TTYH2: variants seen among roughly 807,000 people sequenced by gnomAD.
TTYH2 encodes tweety family member 2.
In TTYH2, 49 loss-of-function variants were observed where a neutral mutation model predicts 68.3. The ratio of observed to expected loss-of-function variants is 0.72; its 90% CI spans 0.57 to 0.91. TTYH2 has a LOEUF of 0.91. Among genes scored for constraint, TTYH2 ranks in the 40% least tolerant of loss-of-function variants. TTYH2 has a pLI of 0.00. For missense variants in TTYH2, 631 were observed against 700.4 expected (o/e 0.90, Z 1.12); for synonymous variants, 272 against 300.8 (o/e 0.90, Z 0.99).
At chr17:74,244,422 C>T (rs1256744416) in intron 6 of TTYH2, among the ~76,000 whole-genome samples, 1 of 152,164 alleles carries the variant, frequency 6.6e-6, no homozygotes, top group Admixed American at 6.5e-5. Flanking sequence ...GGTAGGGGTC[C>T]AAGCCTCAGA....
chr17:74,238,211 A>G (rs1360722829), intron 4 of TTYH2, among the ~76,000 whole-genome samples: 1 of 152,182 alleles, frequency 6.6e-6, no homozygotes, highest in African/African-American at 2.4e-5. Flanking sequence ...TTCATGGGAC[A>G]GGATTTCTTG....
In TTYH2 at chr17:74,215,478, C is replaced by T. The variant is rs2050213607; in HGVS notation, c.129+1762C>T. On this transcript the variant is annotated intron_variant, in intron 1 of 13. Coordinates refer to ENST00000269346, the MANE Select transcript of TTYH2 (RefSeq NM_032646.6). This position sits in a 1 kb window ranked among gnomAD's most constrained non-coding sequence, Gnocchi z 4.3. The stretch of plus-strand genomic sequence containing the variant: ...CAGATGAACCTACCTCCAGCCTCTG[C>T]CCCTCCTCCCAGGATTCTGGCCCCG... The T allele has an allele frequency of 2.9e-6, 2 of 687,426 alleles. No individual in the cohort carries two copies. Among genetic ancestry groups the T allele is most frequent in the Non-Finnish European group, 4.8e-6 (2 of 413,712 alleles). 42.6% of individuals were successfully genotyped at this position (687,426 alleles called of 1,614,324 possible). A position where few individuals can be genotyped will look rare whatever the true frequency, so the allele number is the denominator to read the frequency against.
chr17:74,236,935 C>T (rs962198331), intron 3 of TTYH2, among the ~76,000 whole-genome samples: 3 of 148,316 alleles, frequency 2.0e-5, no homozygotes, highest in East Asian at 2.0e-4. Flanking sequence ...TCACTCTTGT[C>T]GCCCAGGCTG....
At chr17:74,260,000 G>A (rs909469290) in intron 13 of TTYH2, 129 bp from the exon 14 acceptor site, 3 of 767,084 alleles carry the variant, frequency 3.9e-6, no homozygotes, top group Non-Finnish European at 6.9e-6. Flanking sequence ...GATGGATGTG[G>A]GGTGGAGGCA....
Position 74,237,285 on chromosome 17 carries a change from C to G in TTYH2, c.415-9C>G, listed in dbSNP as rs2143748941. 1 of 1,613,532 alleles carries G rather than the reference C, an allele frequency of 6.2e-7. No homozygotes were observed. The highest frequency in any genetic ancestry group is 8.5e-7 in the Non-Finnish European group (1 of 1,179,626). Reference sequence around the variant, plus strand: ...ACCTCCATGGCTTTTGCCCCCTGCTCCTCCCTAGGTTTCCGGAACTACCCA... The same window carrying G: ...ACCTCCATGGCTTTTGCCCCCTGCTGCTCCCTAGGTTTCCGGAACTACCCA... On this transcript the variant is annotated splice_polypyrimidine_tract_variant and intron_variant, in intron 3 of 13. Transcript: ENST00000269346.
At position 74,243,997 on chromosome 17, in the gene TTYH2, T is replaced by C. The variant is rs1294845909; in HGVS notation, c.752T>C (p.Leu251Pro). ...LLASMLCCGALSLLLSWASLA... is the reference protein window; with the variant it reads ...LLASMLCCGAPSLLLSWASLA... ...CCTAGGATGCTGTGCTGTGGGGCAC[T>C]GAGCCTGCTCCTCAGTTGGGCATCC... Residue 251 changes from leucine (L) to proline (P), a missense_variant, in exon 6 of 14, where the codon CTG (leucine) becomes CCG (proline). Leu to Pro is a moderately conservative substitution (Grantham distance 98, BLOSUM62 -3). Transcript: ENST00000269346. The C allele has an allele frequency of 3.1e-6, 5 of 1,612,272 alleles. No homozygotes were observed.
chr17:74,252,184 G>T (rs1162046705), intron 10 of TTYH2, 50 bp from the exon 11 acceptor site: 2 of 1,604,806 alleles, frequency 1.2e-6, no homozygotes, highest in Admixed American at 3.3e-5. Flanking sequence ...TCGGCCCGCA[G>T]GCTTTGCCCC....
intron 5 of TTYH2, 125 bp from the exon 6 acceptor site, chr17:74,243,852 A>G: frequency 1.2e-6 from 1 of 833,010 alleles, no homozygotes. Flanking sequence ...AGCAGGGCCC[A>G]CGTCAGGGCA....
At position 74,234,173 on chromosome 17, in the gene TTYH2, C is replaced by T. The variant is rs2050419042; in HGVS notation, c.415-3121C>T. On this transcript the variant is annotated intron_variant, in intron 3 of 13. Transcript: ENST00000269346. ...AGGTTCCGCTTCAGCGGTCCTGGGG[C>T]AGGGCTGAGAGCTTTTGCTTTTGTG... is the stretch of plus-strand genomic sequence containing the variant. Among the ~76,000 whole-genome samples, 3 of 152,336 alleles carry T rather than the reference C, an allele frequency of 2.0e-5. No individual in the cohort carries two copies. The South Asian group carries it at 6.2e-4, about 32-fold the overall frequency.
At chr17:74,247,383 C>T (rs1351689266) in intron 6 of TTYH2, among the ~76,000 whole-genome samples, 1 of 152,140 alleles carries the variant, frequency 6.6e-6, no homozygotes, top group African/African-American at 2.4e-5. Flanking sequence ...CACACGCACA[C>T]AGGTGCTTGT....
In TTYH2 at chr17:74,260,704, C is replaced by CT. The variant is rs1296886139; in HGVS notation, c.*498dup. On this transcript the variant is annotated 3_prime_UTR_variant, in exon 14 of 14. Coordinates refer to ENST00000269346, the MANE Select transcript of TTYH2 (RefSeq NM_032646.6). ...TGAGAAGGGCTGATCAGGAGATGCT[C>CT]TTTAAGAAGTTCGCACCCCTGCTGA... 3 of 167,950 alleles carry CT rather than the reference C, an allele frequency of 1.8e-5. No homozygotes were observed. Among genetic ancestry groups the CT allele is most frequent in the Non-Finnish European group, 3.9e-5 (3 of 76,060 alleles). The allele number at this position is 167,950 out of a possible 1,614,324, so 10.4% of individuals were successfully genotyped here.
chr17:74,258,535 G>A (rs772028985), intron 13 of TTYH2, among the ~76,000 whole-genome samples: 6 of 152,112 alleles, frequency 3.9e-5, no homozygotes, highest in Non-Finnish European at 7.4e-5. Flanking sequence ...CCAAAGTGCT[G>A]GGATTACAGG....
In TTYH2 at chr17:74,219,926, C is replaced by T. The variant is rs568840495; in HGVS notation, c.130-2559C>T. On this transcript the variant is annotated intron_variant, in intron 1 of 13. Coordinates refer to ENST00000269346, the MANE Select transcript of TTYH2 (RefSeq NM_032646.6). ...CCCTCCTTTCTGTAAAGCAGAATTG[C>T]TGGGTCATGGCATGCATGTTACACA... 5.3e-5 allele frequency among the ~76,000 whole-genome samples: 8 copies of T among 151,120 alleles called. No homozygotes were observed. The South Asian group carries it at 1.3e-3, about 24-fold the overall frequency.
At chr17:74,233,020 CCT>C (rs927424633) in intron 3 of TTYH2, among the ~76,000 whole-genome samples, 2 of 152,216 alleles carry the variant, frequency 1.3e-5, no homozygotes, top group African/African-American at 2.4e-5. Context: ...TCTGAAATCC[CCT>C]GTGTTCCCAA....
chr17:74,255,651 G>A (rs2050686374), intron 13 of TTYH2, among the ~76,000 whole-genome samples: 2 of 151,758 alleles, frequency 1.3e-5, no homozygotes. Flanking sequence ...AGGGCTGGCT[G>A]GTCTTGAACT....
intron 2 of TTYH2, among the ~76,000 whole-genome samples, chr17:74,225,153 G>A (rs2050317273): frequency 6.6e-6 from 1 of 152,186 alleles, no homozygotes; most frequent in South Asian, 2.1e-4. Context: ...AAAGGTGGGG[G>A]CAGGGGAGGC....
At position 74,258,518 on chromosome 17, in the gene TTYH2, C is replaced by T. The variant is rs139008648; in HGVS notation, c.1525-1611C>T. On this transcript the variant is annotated intron_variant, in intron 13 of 13. Transcript: ENST00000269346. Reference sequence around the variant, plus strand: ...CTGAGCTCTGGTGATCCACCTGTCTCGGCTTCCCAAAGTGCTGGGATTACA... The same window carrying T: ...CTGAGCTCTGGTGATCCACCTGTCTTGGCTTCCCAAAGTGCTGGGATTACA... Among the ~76,000 whole-genome samples the T allele has an allele frequency of 8.6e-3, 1,313 of 152,182 alleles. 19 individuals carry two copies. The highest frequency in any genetic ancestry group is 0.03 in the African/African-American group (1,260 of 41,532).
Position 74,261,635 on chromosome 17 carries a change from G to C in TTYH2, c.*1426G>C, listed in dbSNP as rs1421639473. ...CCCCACGGCCTCGCACACTGAAGCA[G>C]GGGCGTGCGGTGACTCGGTGCTTCT... On this transcript the variant is annotated 3_prime_UTR_variant, in exon 14 of 14. Transcript: ENST00000269346. 6.6e-6 allele frequency: 1 copy of C among 152,560 alleles called. No homozygotes were observed. The highest frequency in any genetic ancestry group is 1.5e-5 in the Non-Finnish European group (1 of 68,042). The allele number at this position is 152,560 out of a possible 1,614,324, so 9.5% of individuals were successfully genotyped here. A position where few individuals can be genotyped will look rare whatever the true frequency, so the allele number is the denominator to read the frequency against.
Position 74,215,597 on chromosome 17 carries a change from C to T in TTYH2, c.129+1881C>T. On this transcript the variant is annotated intron_variant, in intron 1 of 13. Transcript: ENST00000269346. The surrounding 1 kb of genome is among the most constrained non-coding windows in gnomAD (Gnocchi z 4.3). ...AGCTGACACCAGCCCTGCCCACTGG[C>T]TCCTGGTCCCGCTCACCCCCTCACC... 6.5e-7 allele frequency: 1 copy of T among 1,533,090 alleles called. No individual in the cohort carries two copies. Among genetic ancestry groups the T allele is most frequent in the Non-Finnish European group, 8.7e-7 (1 of 1,145,238 alleles). The allele number at this position is 1,533,090 out of a possible 1,614,324, so 95.0% of individuals were successfully genotyped here. A position where few individuals can be genotyped will look rare whatever the true frequency, so the allele number is the denominator to read the frequency against.
Sources: gnomAD v4.1 joint callset for allele counts (sites outside exome capture counted in the v4.1 genomes callset) on GRCh38, gnomAD v4.1.1 for gene constraint, Gnocchi (gnomAD v3.1) non-coding constraint, MANE v1.5 for transcripts, NCBI Gene and HGNC (gene_info 2026-07-23, HGNC 2026-07-21) for gene names.